The following ZFAT variants were observed in gnomAD, a reference collection of about 807,000 sequenced individuals.
The protein encoded by ZFAT is zinc finger and AT-hook domain containing.
ZFAT carries 64 observed loss-of-function variants against 117.7 expected under a neutral mutation model. The observed-to-expected ratio is 0.54, with a 90% CI of 0.44 to 0.67. The LOEUF (loss-of-function observed/expected upper bound fraction) is 0.67. Among genes scored for constraint, ZFAT ranks in the 30% least tolerant of loss-of-function variants. The pLI, the probability that ZFAT is intolerant of heterozygous loss-of-function variation, is 0.00. For missense variants in ZFAT, 1,433 were observed against 1,584.5 expected (o/e 0.90, Z 1.62); for synonymous variants, 679 against 615.0 (o/e 1.10, Z -1.54).
intron 2 of ZFAT, among the ~76,000 whole-genome samples, chr8:134,640,350 G>C (rs1830511186): frequency 6.6e-6 from 1 of 152,206 alleles, no homozygotes; most frequent in Non-Finnish European, 1.5e-5. Context: ...TCGTCTTGCG[G>C]AGAACTGTGC....
At position 134,697,136 on chromosome 8, in the gene ZFAT, C is replaced by T. The variant is rs576230170; in HGVS notation, c.19+15709G>A. On this transcript the variant is annotated intron_variant, in intron 1 of 15. Transcript: ENST00000377838. ...TTGGTTTTGAGATGGAGTCTCACTC[C>T]GTTGGTCTCGCTCTGTCACCCAGGC... 1.1e-4 allele frequency among the ~76,000 whole-genome samples: 17 copies of T among 148,090 alleles called. 1 individual carries two copies. The South Asian group carries it at 3.0e-3, about 27-fold the overall frequency.
At chr8:134,574,512 T>C (rs1825165110) in intron 10 of ZFAT, among the ~76,000 whole-genome samples, 1 of 151,662 alleles carries the variant, frequency 6.6e-6, no homozygotes, top group Middle Eastern at 3.2e-3. Context: ...TTAGATAGAG[T>C]TCTATGTAAA....
At chr8:134,498,396 G>A (rs2130236778) in intron 15 of ZFAT, among the ~76,000 whole-genome samples, 1 of 77,024 alleles carries the variant, frequency 1.3e-5, no homozygotes, top group East Asian at 4.8e-4. Context: ...GAACTGGGAT[G>A]CCCCCGTTGC....
chr8:134,533,293 A>G (rs560348834), intron 11 of ZFAT, among the ~76,000 whole-genome samples: 1 of 152,182 alleles, frequency 6.6e-6, no homozygotes, highest in South Asian at 2.1e-4. Context: ...GCAATACACT[A>G]ATCTATCATT....
At chr8:134,527,362 C>T (rs1240556766) in intron 12 of ZFAT, among the ~76,000 whole-genome samples, 1 of 152,186 alleles carries the variant, frequency 6.6e-6, no homozygotes, top group African/African-American at 2.4e-5. Context: ...TGACTTGTTA[C>T]AGTAGCTACA....
At chr8:134,611,102 C>T (rs1231347043) in intron 3 of ZFAT, among the ~76,000 whole-genome samples, 1 of 152,250 alleles carries the variant, frequency 6.6e-6, no homozygotes, top group Non-Finnish European at 1.5e-5. Context: ...ACAGACCCTG[C>T]TCTTGAGGGC....
rs1380775613 is a variant in ZFAT, at chr8:134,478,495, G to A, written c.3719C>T (p.Ala1240Val). Residue 1240 changes from alanine to valine, a missense_variant, in exon 16 of 16, where the codon GCC becomes GTC. Coordinates refer to ENST00000377838, the MANE Select transcript of ZFAT (RefSeq NM_020863.4). This position sits in a 1 kb window ranked among gnomAD's most constrained non-coding sequence, Gnocchi z 5.2. ...GCCACATGTCCTCTAGAGTTCCTGG[G>A]CCGGCTGCTCCACAGCCTGCTCCTC... ...PVEEQAVEQP[A>V]QEL The A allele has an allele frequency of 1.9e-6, 3 of 1,570,764 alleles. No homozygotes were observed. Among genetic ancestry groups the A allele is most frequent in the East Asian group, 4.8e-5 (2 of 41,984 alleles).
intron 1 of ZFAT, among the ~76,000 whole-genome samples, chr8:134,698,051 G>A (rs989017035): frequency 2.6e-5 from 4 of 151,366 alleles, no homozygotes; most frequent in African/African-American, 7.3e-5. Context: ...GGCCAGGTGC[G>A]GTGGCTCACG....
intron 12 of ZFAT, among the ~76,000 whole-genome samples, chr8:134,530,716 T>C (rs1821342359): frequency 6.6e-6 from 1 of 152,062 alleles, no homozygotes; most frequent in Non-Finnish European, 1.5e-5. Context: ...TATCCATGGG[T>C]TCAACCAACT....
At chr8:134,598,900 A>T (rs1223029664) in intron 7 of ZFAT, 3 of 152,214 alleles carry the variant, frequency 2.0e-5, no homozygotes, top group East Asian at 3.8e-4. Context: ...ACTTTTCCCA[A>T]GGCTAAACAC....
At chr8:134,822,437 G>T in the ZFAT span, among the ~76,000 whole-genome samples, 1,124 of 152,138 alleles carry the variant, frequency 7.4e-3, 13 homozygotes, top group African/African-American at 0.026. Flanking sequence ...ATAAGTACCC[G>T]ATTTAGCTTT....
At chr8:134,792,119 T>C in the ZFAT span, 1 of 152,212 alleles carries the variant, frequency 6.6e-6, no homozygotes, top group African/African-American at 2.4e-5. Flanking sequence ...TTTTAAAACA[T>C]GGTAACTGGG....
chr8:134,796,194 A>C, the ZFAT span: 1 of 152,184 alleles, frequency 6.6e-6, no homozygotes, highest in Non-Finnish European at 1.5e-5. Context: ...TGTTTCCCTG[A>C]ATTCTGTGAG....
the ZFAT span, among the ~76,000 whole-genome samples, chr8:134,798,933 A>G: frequency 6.6e-6 from 1 of 152,118 alleles, no homozygotes; most frequent in Admixed American, 6.5e-5. Context: ...ACTTCATAAA[A>G]CTACCTTTAC....
chr8:134,556,005 A>C, intron 11 of ZFAT, among the ~76,000 whole-genome samples: 1 of 111,562 alleles, frequency 9.0e-6, no homozygotes. Context: ...GGAGGGAGGG[A>C]AGGTGGGAGG....
chr8:134,720,231 T>C, the ZFAT span, among the ~76,000 whole-genome samples: 2 of 152,234 alleles, frequency 1.3e-5, no homozygotes, highest in Non-Finnish European at 2.9e-5. Flanking sequence ...GCAAAAGAAC[T>C]ACCCAGCTGA....
At chr8:134,644,101 T>C (rs1433145904) in intron 2 of ZFAT, among the ~76,000 whole-genome samples, 1 of 152,184 alleles carries the variant, frequency 6.6e-6, no homozygotes, top group Non-Finnish European at 1.5e-5. Flanking sequence ...GCAGAGGCAC[T>C]CGCCCTGCTG....
At chr8:134,490,100 C>G (rs1817942894) in intron 15 of ZFAT, among the ~76,000 whole-genome samples, 1 of 152,214 alleles carries the variant, frequency 6.6e-6, no homozygotes, top group African/African-American at 2.4e-5. Flanking sequence ...CTAGGTGTGA[C>G]CACAAGAGCC....
At position 134,565,222 on chromosome 8, in the gene ZFAT, A is replaced by C; in HGVS notation, c.2976+111T>G. 4 of 1,558,988 alleles carry C rather than the reference A, an allele frequency of 2.6e-6. No individual in the cohort carries two copies. The South Asian group carries it at 4.7e-5, about 18-fold the overall frequency. On this transcript the variant is annotated intron_variant, in intron 11 of 15. Transcript: ENST00000377838. Reference sequence around the variant, plus strand: ...CACGTGTACCAGCTAAGGGGGCCCCAAAGCGAAGGTAAAACCAACAAACAA... The same window carrying C: ...CACGTGTACCAGCTAAGGGGGCCCCCAAGCGAAGGTAAAACCAACAAACAA...
Sources: allele counts gnomAD v4.1 joint callset (sites outside exome capture counted in the v4.1 genomes callset), GRCh38; gene constraint gnomAD v4.1.1; non-coding constraint Gnocchi (gnomAD v3.1); transcripts MANE v1.5; gene names NCBI Gene and HGNC (gene_info 2026-07-23, HGNC 2026-07-21).